The following KLF6 variants were observed in gnomAD, a reference collection of about 807,000 sequenced individuals.
KLF6 encodes Krueppel-like factor 6.
For synonymous variants in KLF6, 152 were observed against 147.9 expected, an observed-to-expected ratio of 1.03 and a Z score of -0.20; for missense variants, 233 against 359.8, an observed-to-expected ratio of 0.65 and a Z score of 2.85.
rs1436539377 is a variant in KLF6, at chr10:3,781,622, G to A, written c.676+19C>T. The A allele has an allele frequency of 6.2e-7, 1 of 1,611,484 alleles. No homozygotes were observed. ...GCGCCCACCAGCGGCCGCCCTCCGG[G>A]GCCCGCGTGGGCACTGACCTGTGTG... is the stretch of plus-strand genomic sequence containing the variant. On this transcript the variant is annotated intron_variant, in intron 2 of 3. Transcript: ENST00000497571. This position sits in a 1 kb window ranked among gnomAD's most constrained non-coding sequence, Gnocchi z 5.8.
In KLF6 at chr10:3,776,847, A is replaced by G. The variant is rs1405931416; in HGVS notation, c.*2692T>C. 3.8e-6 allele frequency: 2 copies of G among 526,574 alleles called. No individual in the cohort carries two copies. Among genetic ancestry groups the G allele is most frequent in the Non-Finnish European group, 7.4e-6 (2 of 271,804 alleles). 32.6% of individuals were successfully genotyped at this position (526,574 alleles called of 1,614,324 possible). ...CTAATTATGAAAATCACAGGCATTG[A>G]CAGGTACGGTACCCAGCCCCACCCA... On this transcript the variant is annotated 3_prime_UTR_variant, in exon 4 of 4. Transcript: ENST00000497571.
rs745883973 is a variant in KLF6, at chr10:3,785,092, C to T, written c.-78G>A. Reference sequence around the variant, plus strand: ...TGGGAGCCGGAGCCGAAAGTCTCCCCGGAGCGCAGGTGAAAGTTTCATGCA... The same window carrying T: ...TGGGAGCCGGAGCCGAAAGTCTCCCTGGAGCGCAGGTGAAAGTTTCATGCA... On this transcript the variant is annotated 5_prime_UTR_variant, in exon 1 of 4. Transcript: ENST00000497571. 7 of 1,597,324 alleles carry T rather than the reference C, an allele frequency of 4.4e-6. No individual in the cohort carries two copies. In the East Asian group the frequency reaches 1.4e-4, roughly 31 times the overall value.
chr10:3,778,864 T>C lies in KLF6; in HGVS notation c.*675A>G. On this transcript the variant is annotated 3_prime_UTR_variant, in exon 4 of 4. Coordinates refer to ENST00000497571, the MANE Select transcript of KLF6 (RefSeq NM_001300.6). ...TACAAATGAGCTATGTTGTAGCGTGTAAAACAAGCTACTTGACACATTGCA... is the reference window on the plus strand; with the variant it reads ...TACAAATGAGCTATGTTGTAGCGTGCAAAACAAGCTACTTGACACATTGCA... 1.9e-6 allele frequency: 1 copy of C among 534,086 alleles called. No individual in the cohort carries two copies. The highest frequency in any genetic ancestry group is 3.6e-6 in the Non-Finnish European group (1 of 276,236). The allele number at this position is 534,086 out of a possible 1,614,324, so 33.1% of individuals were successfully genotyped here. A position where few individuals can be genotyped will look rare whatever the true frequency, so the allele number is the denominator to read the frequency against.
In KLF6 at chr10:3,776,746, T is replaced by A. The variant is rs1031676817; in HGVS notation, c.*2793A>T. On this transcript the variant is annotated 3_prime_UTR_variant, in exon 4 of 4. Coordinates refer to ENST00000497571, the MANE Select transcript of KLF6 (RefSeq NM_001300.6). ...AATTTCACTAATAGAAATTTTTTTT[T>A]AATTTCAAGCAAAAAGTTTCTGCTT... The A allele has an allele frequency of 1.4e-5, 7 of 485,882 alleles. No individual in the cohort carries two copies. Among genetic ancestry groups the A allele is most frequent in the African/African-American group, 8.0e-5 (4 of 49,976 alleles). The allele number at this position is 485,882 out of a possible 1,614,324, so 30.1% of individuals were successfully genotyped here.
intron 1 of KLF6, among the ~76,000 whole-genome samples, chr10:3,784,527 A>C (rs981439265): frequency 1.3e-5 from 2 of 152,076 alleles, no homozygotes; most frequent in African/African-American, 2.4e-5. Flanking sequence ...TTTTTAAAAA[A>C]CTGTTAAGTA....
chr10:3,783,449 G>C (rs934941257), intron 1 of KLF6, among the ~76,000 whole-genome samples: 1 of 152,108 alleles, frequency 6.6e-6, no homozygotes, highest in Non-Finnish European at 1.5e-5. Flanking sequence ...CATTTTTCCG[G>C]GCAGGGACCT....
At position 3,782,246 on chromosome 10, in the gene KLF6, T is replaced by C. The variant is rs766555435; in HGVS notation, c.103-32A>G. ...AAAATGAACCAGAGAAGGCACGTGA[T>C]TGCCATGACGACCAAAAGTAAAAGC... is the stretch of plus-strand genomic sequence containing the variant. On this transcript the variant is annotated intron_variant, in intron 1 of 3. Transcript: ENST00000497571. This position sits in a 1 kb window ranked among gnomAD's most constrained non-coding sequence, Gnocchi z 4.3. The C allele has an allele frequency of 1.5e-5, 24 of 1,565,942 alleles. No homozygotes were observed. In the East Asian group the frequency reaches 1.8e-4, roughly 12 times the overall value.
chr10:3,779,675 C>T, intron 3 of KLF6, 85 bp from the exon 4 acceptor site: 1 of 1,224,362 alleles, frequency 8.2e-7, no homozygotes, highest in Non-Finnish European at 1.2e-6. Flanking sequence ...CCTCCCTGCC[C>T]TGCCCAGCCT....
intron 1 of KLF6, among the ~76,000 whole-genome samples, chr10:3,784,282 G>A (rs1469936586): frequency 6.6e-6 from 1 of 152,124 alleles, no homozygotes; most frequent in Non-Finnish European, 1.5e-5. Context: ...TCCAAACTAA[G>A]ACTTGAAGCA....
At position 3,782,093 on chromosome 10, in the gene KLF6, T is replaced by C. The variant is rs1179625032; in HGVS notation, c.224A>G (p.Glu75Gly). The C allele has an allele frequency of 1.2e-6, 2 of 1,614,008 alleles. No individual in the cohort carries two copies. The highest frequency in any genetic ancestry group is 1.7e-5 in the Admixed American group (1 of 60,010). Reference protein sequence around the residue: ...TKIILAREKKEESELKISSSP... With the variant: ...TKIILAREKKGESELKISSSP... ...GGAAGATATCTTCAGTTCGGATTCC[T>C]CCTTTTTCTCCCGAGCCAGAATGAT... The change falls in exon 2 of 4, where the codon GAG (glutamate) becomes GGG (glycine). Residue 75 changes from glutamate (E) to glycine (G), a missense_variant. Coordinates refer to ENST00000497571, the MANE Select transcript of KLF6 (RefSeq NM_001300.6). This position sits in a 1 kb window ranked among gnomAD's most constrained non-coding sequence, Gnocchi z 4.3.
chr10:3,781,695 T>C lies in KLF6; in HGVS notation c.622A>G (p.Arg208Gly). The change falls in exon 2 of 4, where the codon AGG becomes GGG. Residue 208 changes from arginine (R) to glycine (G), a missense_variant. Transcript: ENST00000497571. This position sits in a 1 kb window ranked among gnomAD's most constrained non-coding sequence, Gnocchi z 5.8. ...RVHRCHFNGC[R>G]KVYTKSSHLK... ...TGGGAGCTTTTGGTGTAAACTTTCC[T>C]GCAGCCGTTAAAGTGGCACCGGTGC... 1 of 1,613,922 alleles carries C rather than the reference T, an allele frequency of 6.2e-7. No homozygotes were observed. The highest frequency in any genetic ancestry group is 8.5e-7 in the Non-Finnish European group (1 of 1,179,836).
intron 1 of KLF6, among the ~76,000 whole-genome samples, chr10:3,784,536 T>C (rs940139437): frequency 8.8e-5 from 13 of 147,852 alleles, no homozygotes; most frequent in African/African-American, 3.0e-4. Flanking sequence ...AACTGTTAAG[T>C]ACAAGCACCA....
rs1832514029 is a variant in KLF6 at position 3,781,322 on chromosome 10, G to A, written c.676+319C>T. On this transcript the variant is annotated intron_variant, in intron 2 of 3. Coordinates refer to ENST00000497571, the MANE Select transcript of KLF6 (RefSeq NM_001300.6). The surrounding 1 kb of genome is among the most constrained non-coding windows in gnomAD (Gnocchi z 5.8). ...GGTAGCCTCGTGCGAGTGCACTGGTGAAGGGGCAGTGGCCTCGGATCCCCA... is the reference window on the plus strand; with the variant it reads ...GGTAGCCTCGTGCGAGTGCACTGGTAAAGGGGCAGTGGCCTCGGATCCCCA... 1 of 1,130,284 alleles carries A rather than the reference G, an allele frequency of 8.8e-7. No individual in the cohort carries two copies. The highest frequency in any genetic ancestry group is 1.6e-5 in the African/African-American group (1 of 63,890). The allele number at this position is 1,130,284 out of a possible 1,614,324, so 70.0% of individuals were successfully genotyped here.
rs759215491 is a variant in KLF6, at chr10:3,779,488, G to A, written c.*51C>T. The A allele has an allele frequency of 1.3e-5, 20 of 1,502,188 alleles. No individual in the cohort carries two copies. Among genetic ancestry groups the A allele is most frequent in the Middle Eastern group, 1.7e-4 (1 of 5,818 alleles). The allele number at this position is 1,502,188 out of a possible 1,614,324, so 93.1% of individuals were successfully genotyped here. A position where few individuals can be genotyped will look rare whatever the true frequency, so the allele number is the denominator to read the frequency against. On this transcript the variant is annotated 3_prime_UTR_variant, in exon 4 of 4. Coordinates refer to ENST00000497571, the MANE Select transcript of KLF6 (RefSeq NM_001300.6). ...AACACGCATCCCTCCTTCCACGGCC[G>A]GCTCTCAGCCTGGAAGCCTTTTAGC...
intron 1 of KLF6, chr10:3,783,351 G>T (rs1832572316): frequency 6.6e-6 from 1 of 152,220 alleles, no homozygotes. Flanking sequence ...ACGAGGATCA[G>T]CTGCCTGCAT....
At position 3,784,300 on chromosome 10, in the gene KLF6, C is replaced by A. The variant is rs140372029; in HGVS notation, c.102+613G>T. ...AAACTAAGACTTGAAGCAGTTTGGACGGGCTCATTGTCACAAGACTGACAA... is the reference window on the plus strand; with the variant it reads ...AAACTAAGACTTGAAGCAGTTTGGAAGGGCTCATTGTCACAAGACTGACAA... On this transcript the variant is annotated intron_variant, in intron 1 of 3. Transcript: ENST00000497571. Among the ~76,000 whole-genome samples the A allele has an allele frequency of 5.2e-3, 798 of 152,222 alleles. 4 individuals carry two copies. Among genetic ancestry groups the A allele is most frequent in the African/African-American group, 0.018 (744 of 41,534 alleles).
rs751886217 is a variant in KLF6, at chr10:3,776,932, CTT to C, written c.*2605_*2606del. ...AAGCCAGTGCAAGTTTTTTTTTTTC[CTT>C]TTTTTTTTTTTGTCTTTTGCTTACC... On this transcript the variant is annotated 3_prime_UTR_variant, in exon 4 of 4. Transcript: ENST00000497571. 3.2e-3 allele frequency: 1,309 copies of C among 403,044 alleles called. No homozygotes were observed. The highest frequency in any genetic ancestry group is 5.8e-3 in the Middle Eastern group (8 of 1,388). 25.0% of individuals were successfully genotyped at this position (403,044 alleles called of 1,614,324 possible).
In KLF6 at chr10:3,780,776, C is replaced by T. The variant is rs1267690111; in HGVS notation, c.677-547G>A. On this transcript the variant is annotated intron_variant, in intron 2 of 3. Transcript: ENST00000497571. This position sits in a 1 kb window ranked among gnomAD's most constrained non-coding sequence, Gnocchi z 4.6. The stretch of plus-strand genomic sequence containing the variant: ...AACTGGGTTCACTTCATTCCTTGGT[C>T]AAATCATAAATATGAATTTACTACA... 1 of 186,078 alleles carries T rather than the reference C, an allele frequency of 5.4e-6. No homozygotes were observed. Among genetic ancestry groups the T allele is most frequent in the African/African-American group, 2.3e-5 (1 of 42,816 alleles). The allele number at this position is 186,078 out of a possible 1,614,324, so 11.5% of individuals were successfully genotyped here.
chr10:3,779,208 T>G lies in KLF6; in HGVS notation c.*331A>C, dbSNP rs768428632. The G allele has an allele frequency of 3.5e-6, 2 of 563,810 alleles. No homozygotes were observed. The highest frequency in any genetic ancestry group is 3.1e-5 in the South Asian group (2 of 65,442). The allele number at this position is 563,810 out of a possible 1,614,324, so 34.9% of individuals were successfully genotyped here. ...TAACCACAAGGAAAAAAAGTTGGCC[T>G]CATCATACGGTCAGTAATAGATCCT... On this transcript the variant is annotated 3_prime_UTR_variant, in exon 4 of 4. Coordinates refer to ENST00000497571, the MANE Select transcript of KLF6 (RefSeq NM_001300.6).
Sources: gnomAD v4.1 joint callset for allele counts (sites outside exome capture counted in the v4.1 genomes callset) on GRCh38, gnomAD v4.1.1 for gene constraint, Gnocchi (gnomAD v3.1) non-coding constraint, MANE v1.5 for transcripts, NCBI Gene and HGNC (gene_info 2026-07-23, HGNC 2026-07-21) for gene names.